The following SLC71A2 variants were observed in gnomAD, a reference collection of about 807,000 sequenced individuals.
The protein encoded by SLC71A2 is solute carrier family 71 member 2, also known as hippocampus abundant transcript-like 1.
the SLC71A2 span, among the ~76,000 whole-genome samples, chr9:94,457,881 G>T: frequency 2.6e-5 from 4 of 152,136 alleles, no homozygotes; most frequent in Non-Finnish European, 5.9e-5. Flanking sequence ...GGCACTTCTG[G>T]GTTTTTCAGT....
the SLC71A2 span, among the ~76,000 whole-genome samples, chr9:94,458,138 T>C: frequency 6.6e-6 from 1 of 152,262 alleles, no homozygotes; most frequent in African/African-American, 2.4e-5. Flanking sequence ...TATATGGTTT[T>C]ATTAGTTTTG....
At chr9:94,391,071 G>C in the SLC71A2 span, among the ~76,000 whole-genome samples, 1 of 151,834 alleles carries the variant, frequency 6.6e-6, no homozygotes, top group African/African-American at 2.4e-5. Flanking sequence ...CTGGACCAGG[G>C]TCTTGACCTA....
the SLC71A2 span, among the ~76,000 whole-genome samples, chr9:94,429,915 T>A: frequency 5.3e-5 from 8 of 151,326 alleles, no homozygotes; most frequent in East Asian, 5.8e-4. Flanking sequence ...TTTTATTTTT[T>A]TTTTTTTTGA....
At chr9:94,422,455 C>G in the SLC71A2 span, among the ~76,000 whole-genome samples, 1 of 152,204 alleles carries the variant, frequency 6.6e-6, no homozygotes, top group Non-Finnish European at 1.5e-5. Flanking sequence ...TTGCCTATTA[C>G]AAATATTGCT....
chr9:94,433,448 G>T, the SLC71A2 span, among the ~76,000 whole-genome samples: 2 of 150,544 alleles, frequency 1.3e-5, no homozygotes, highest in South Asian at 2.1e-4. Flanking sequence ...CGAGGTGGGC[G>T]GATCACCTGA....
the SLC71A2 span, chr9:94,459,358 C>T: frequency 2.5e-6 from 4 of 1,614,008 alleles, no homozygotes; most frequent in South Asian, 3.3e-5. Context: ...AAGACAGCAG[C>T]ATCTGGGAGC....
the SLC71A2 span, among the ~76,000 whole-genome samples, chr9:94,381,736 C>T: frequency 6.6e-6 from 1 of 152,212 alleles, no homozygotes; most frequent in East Asian, 1.9e-4. Flanking sequence ...TTTGGGAGGC[C>T]GAGGCAGGAG....
the SLC71A2 span, among the ~76,000 whole-genome samples, chr9:94,379,345 C>CA: frequency 6.8e-6 from 1 of 147,480 alleles, no homozygotes; most frequent in African/African-American, 2.5e-5. Context: ...CTTGGCCTCC[C>CA]AAAGTGCTGG....
At chr9:94,459,429 G>A in the SLC71A2 span, 1 of 1,612,396 alleles carries the variant, frequency 6.2e-7, no homozygotes, top group African/African-American at 1.3e-5. Flanking sequence ...CAGAAAGTGG[G>A]ATTCTGCATA....
At chr9:94,440,886 T>C in the SLC71A2 span, 5 of 661,458 alleles carry the variant, frequency 7.6e-6, no homozygotes, top group South Asian at 2.2e-5. Flanking sequence ...AGTATACTTA[T>C]TTCTTGGTGC....
the SLC71A2 span, among the ~76,000 whole-genome samples, chr9:94,428,211 G>C: frequency 6.6e-6 from 1 of 150,800 alleles, no homozygotes; most frequent in Non-Finnish European, 1.5e-5. Flanking sequence ...TGATGCATGT[G>C]ACAAATCAAG....
At chr9:94,446,538 G>A in the SLC71A2 span, among the ~76,000 whole-genome samples, 3 of 152,246 alleles carry the variant, frequency 2.0e-5, no homozygotes, top group African/African-American at 4.8e-5. Context: ...TAGGAAGTTC[G>A]GGATCTGTTC....
the SLC71A2 span, chr9:94,459,298 GA>G: frequency 6.2e-7 from 1 of 1,614,074 alleles, no homozygotes; most frequent in Non-Finnish European, 8.5e-7. Context: ...GCGGCAGCCT[GA>G]CCAACACCCC....
At chr9:94,388,903 TC>T in the SLC71A2 span, among the ~76,000 whole-genome samples, 1 of 152,226 alleles carries the variant, frequency 6.6e-6, no homozygotes, top group Non-Finnish European at 1.5e-5. Flanking sequence ...CTCACAGACT[TC>T]CTGGTCCCGA....
chr9:94,444,934 G>C, the SLC71A2 span: 1 of 1,603,562 alleles, frequency 6.2e-7, no homozygotes, highest in South Asian at 1.1e-5. Flanking sequence ...TCACCTATGG[G>C]ACCCTGGGTG....
chr9:94,448,028 A>G, the SLC71A2 span, among the ~76,000 whole-genome samples: 1 of 152,166 alleles, frequency 6.6e-6, no homozygotes, highest in Non-Finnish European at 1.5e-5. Flanking sequence ...CCATTCACCC[A>G]CTGAACGACA....
chr9:94,440,055 A>C, the SLC71A2 span, among the ~76,000 whole-genome samples: 1 of 152,212 alleles, frequency 6.6e-6, no homozygotes, highest in Non-Finnish European at 1.5e-5. Flanking sequence ...TAGACTGAAA[A>C]ATATTCCTAT....
At chr9:94,399,837 C>G in the SLC71A2 span, among the ~76,000 whole-genome samples, 6 of 148,256 alleles carry the variant, frequency 4.0e-5, no homozygotes, top group Non-Finnish European at 7.4e-5. Context: ...TGGAGTTTCG[C>G]TTTTGTTGCC....
At chr9:94,403,313 A>G in the SLC71A2 span, among the ~76,000 whole-genome samples, 1 of 151,558 alleles carries the variant, frequency 6.6e-6, no homozygotes, top group Non-Finnish European at 1.5e-5. Context: ...ATTTTTTTGT[A>G]TTTTAGTAGA....
Sources: gnomAD v4.1 joint callset for allele counts (sites outside exome capture counted in the v4.1 genomes callset) on GRCh38, gnomAD v4.1.1 for gene constraint, MANE v1.5 for transcripts, NCBI Gene and HGNC (gene_info 2026-07-23, HGNC 2026-07-21) for gene names.